The following CFAP92 variants were observed in gnomAD, a reference collection of about 807,000 sequenced individuals.
CFAP92 encodes the protein cilia and flagella associated protein 92 (putative).
Under a neutral mutation model 106.3 loss-of-function variants are expected in CFAP92, and 86 were observed. The observed-to-expected ratio is 0.81, with a 90% CI of 0.68 to 0.97. CFAP92 has a LOEUF of 0.97. CFAP92 is among the 50% of genes least tolerant of loss of function. The pLI is 0.00. For missense variants in CFAP92, 1,204 were observed against 1,283.8 expected, an observed-to-expected ratio of 0.94 and a Z score of 0.95; for synonymous variants, 477 against 506.4, an observed-to-expected ratio of 0.94 and a Z score of 0.78.
At chr3:129,012,716 A>G in the CFAP92 span, among the ~76,000 whole-genome samples, 2 of 152,234 alleles carry the variant, frequency 1.3e-5, no homozygotes, top group African/African-American at 4.8e-5. Flanking sequence ...GACAACTCCC[A>G]AAACGAAGGT....
chr3:128,996,132 T>G (rs185524077), upstream of CFAP92, among the ~76,000 whole-genome samples: 1 of 152,290 alleles, frequency 6.6e-6, no homozygotes, highest in African/African-American at 2.4e-5. Flanking sequence ...CAAGCAGCCA[T>G]GTGAAATGGC....
intron 12 of CFAP92, among the ~76,000 whole-genome samples, chr3:128,930,238 C>T (rs9869254): frequency 0.13 from 20,023 of 152,046 alleles, 2,097 homozygotes; most frequent in African/African-American, 0.29. Flanking sequence ...GCAACCTCTG[C>T]CTCCTGGGTT....
intron 10 of CFAP92, among the ~76,000 whole-genome samples, chr3:128,937,517 G>A (rs772909316): frequency 2.4e-4 from 36 of 151,738 alleles, no homozygotes; most frequent in Non-Finnish European, 4.4e-4. Context: ...GGAGAATGGC[G>A]TGAACTCAGG....
upstream of CFAP92, among the ~76,000 whole-genome samples, chr3:128,994,819 T>A (rs976377899): frequency 6.6e-6 from 1 of 151,986 alleles, no homozygotes; most frequent in South Asian, 2.1e-4. Flanking sequence ...GTAGGCCTCA[T>A]GGAGGAAGTG....
At chr3:128,984,685 A>T (rs947990344) in intron 4 of CFAP92, among the ~76,000 whole-genome samples, 3 of 152,062 alleles carry the variant, frequency 2.0e-5, no homozygotes, top group Non-Finnish European at 2.9e-5. Context: ...CTCCTTAATA[A>T]ACTCCCTTTC....
At chr3:128,991,303 A>G (rs1281883005) in intron 2 of CFAP92, among the ~76,000 whole-genome samples, 2 of 152,224 alleles carry the variant, frequency 1.3e-5, no homozygotes, top group Non-Finnish European at 1.5e-5. Context: ...TAAAATGACA[A>G]AAAGTTCAGT....
chr3:128,981,754 T>C (rs1425825596), intron 4 of CFAP92, among the ~76,000 whole-genome samples: 4 of 152,212 alleles, frequency 2.6e-5, no homozygotes, highest in Non-Finnish European at 1.5e-5. Context: ...TACTCCTTGA[T>C]CCACAGGCTG....
At chr3:128,912,745 C>G (rs569083414) in intron 15 of CFAP92, 2 of 855,286 alleles carry the variant, frequency 2.3e-6, no homozygotes, top group Admixed American at 1.7e-5. Flanking sequence ...GAAGGGTTGT[C>G]GCCTGGCCTG....
In CFAP92 at chr3:128,909,917, A is replaced by T; in HGVS notation, c.*382T>A. The T allele has an allele frequency of 6.6e-7, 1 of 1,515,922 alleles. No individual in the cohort carries two copies. Among genetic ancestry groups the T allele is most frequent in the Non-Finnish European group, 9.0e-7 (1 of 1,108,044 alleles). The allele number at this position is 1,515,922 out of a possible 1,614,324, so 93.9% of individuals were successfully genotyped here. On this transcript the variant is annotated 3_prime_UTR_variant, in exon 16 of 16. Coordinates refer to ENST00000645291, the MANE Select transcript of CFAP92 (RefSeq NM_001394090.1). ...AGGTGTTATTGACTCCACTTTCTCAAGGAACACAGGAGACTAAGACAGGCA... is the reference window on the plus strand; with the variant it reads ...AGGTGTTATTGACTCCACTTTCTCATGGAACACAGGAGACTAAGACAGGCA...
chr3:128,918,841 A>G (rs1425100973), intron 12 of CFAP92, among the ~76,000 whole-genome samples: 1 of 152,190 alleles, frequency 6.6e-6, no homozygotes, highest in African/African-American at 2.4e-5. Context: ...CTATCCAAGG[A>G]ACACAGGAAC....
chr3:128,996,543 T>G (rs1944485819), upstream of CFAP92, among the ~76,000 whole-genome samples: 1 of 152,232 alleles, frequency 6.6e-6, no homozygotes, highest in South Asian at 2.1e-4. Flanking sequence ...GTGGTGGGTC[T>G]ACAACCCTAC....
chr3:129,002,486 G>A lies in CFAP92; in HGVS notation n.117+88C>T. On this transcript the variant is annotated intron_variant and non_coding_transcript_variant, in intron 1 of 4. Coordinates refer to the CFAP92 transcript ENST00000510149. ...ATCAGCACACTTGCATCTTGCCCCT[G>A]TTCCTCCCCATTCCACTCCAGTCCC... is the stretch of plus-strand genomic sequence containing the variant. 6 of 1,326,498 alleles carry A rather than the reference G, an allele frequency of 4.5e-6. No individual in the cohort carries two copies. In the South Asian group the frequency reaches 8.5e-5, roughly 19 times the overall value. The allele number at this position is 1,326,498 out of a possible 1,614,324, so 82.2% of individuals were successfully genotyped here.
intron 4 of CFAP92, among the ~76,000 whole-genome samples, chr3:128,984,906 G>C (rs2107807807): frequency 6.6e-6 from 1 of 152,292 alleles, no homozygotes; most frequent in African/African-American, 2.4e-5. Context: ...AAGAGTTTCT[G>C]TAAGAAATCT....
At chr3:128,953,765 G>A (rs1256685438) in intron 9 of CFAP92, among the ~76,000 whole-genome samples, 27 of 123,896 alleles carry the variant, frequency 2.2e-4, no homozygotes, top group Admixed American at 1.4e-3. Flanking sequence ...GCAGGCACGC[G>A]CCACCACGCC....
chr3:129,001,897 C>T, intron 1 of CFAP92: 4 of 1,538,042 alleles, frequency 2.6e-6, no homozygotes, highest in Non-Finnish European at 3.5e-6. Flanking sequence ...GGGCTGCGCG[C>T]GGAGGGGGCC....
chr3:128,935,090 G>C, intron 11 of CFAP92, 35 bp downstream of exon 11: 1 of 1,464,788 alleles, frequency 6.8e-7, no homozygotes, highest in Non-Finnish European at 9.0e-7. Flanking sequence ...CCTCCCGCCG[G>C]GGCGCAGGAC....
chr3:128,912,724 C>T (rs371702061), intron 15 of CFAP92: 15 of 978,046 alleles, frequency 1.5e-5, no homozygotes, highest in African/African-American at 8.0e-5. Flanking sequence ...TTTTGTTCCC[C>T]GTCTGCACCT....
At chr3:129,017,618 C>T in the CFAP92 span, among the ~76,000 whole-genome samples, 3 of 152,352 alleles carry the variant, frequency 2.0e-5, no homozygotes, top group East Asian at 5.8e-4. Flanking sequence ...TTGCTTTCAT[C>T]TTCCAGCCAG....
rs765999383 is a variant in CFAP92 at position 128,913,106 on chromosome 3, G to A, written c.3280+2013C>T. 34 of 450,610 alleles carry A rather than the reference G, an allele frequency of 7.5e-5. No individual in the cohort carries two copies. The highest frequency in any genetic ancestry group is 3.4e-4 in the African/African-American group (17 of 50,064). The allele number at this position is 450,610 out of a possible 1,614,324, so 27.9% of individuals were successfully genotyped here. On this transcript the variant is annotated intron_variant, in intron 15 of 15. Transcript: ENST00000645291. Reference sequence around the variant, plus strand: ...AAGAATATAAAATGTCACAATCTGTGTACTGTTAGCCTTTGCTGTACTTGT... The same window carrying A: ...AAGAATATAAAATGTCACAATCTGTATACTGTTAGCCTTTGCTGTACTTGT...
Sources: gnomAD v4.1 joint callset for allele counts (sites outside exome capture counted in the v4.1 genomes callset) on GRCh38, gnomAD v4.1.1 for gene constraint, MANE v1.5 for transcripts, NCBI Gene and HGNC (gene_info 2026-07-23, HGNC 2026-07-21) for gene names.